Variants in COG2 observed in about 807,000 individuals in gnomAD.
COG2 encodes the protein component of oligomeric golgi complex 2.
Under a neutral mutation model 90.6 loss-of-function variants are expected in COG2, and 52 were observed. The ratio of observed to expected loss-of-function variants is 0.57; its 90% CI spans 0.46 to 0.72. The LOEUF (loss-of-function observed/expected upper bound fraction) is 0.72, where lower values mean the gene tolerates loss of function less well. COG2 is among the 30% of genes least tolerant of loss of function. The pLI is 0.00. For missense variants in COG2, 829 were observed against 891.2 expected (o/e 0.93, Z 0.89); for synonymous variants, 337 against 320.4 (o/e 1.05, Z -0.55).
chr1:230,686,886 A>G (rs75802236), intron 12 of COG2, 49 bp from the exon 13 acceptor site: 4 of 1,215,518 alleles, frequency 3.3e-6, no homozygotes, highest in Non-Finnish European at 3.4e-6. Context: ...ATAAATGCTC[A>G]TGTATCTTGC....
Position 230,668,743 on chromosome 1 carries a change from G to T in COG2, c.553G>T (p.Val185Phe). 1 of 1,612,656 alleles carries T rather than the reference G, an allele frequency of 6.2e-7. No homozygotes were observed. The highest frequency in any genetic ancestry group is 2.2e-5 in the East Asian group (1 of 44,822). ...TEFNQLQFHA[V>F]QSKGMPLLDK... Reference sequence around the variant, plus strand: ...ATTTAATCAGTTACAGTTTCATGCTGTTCAAAGCAAAGGCATGCCTCTTTT... The same window carrying T: ...ATTTAATCAGTTACAGTTTCATGCTTTTCAAAGCAAAGGCATGCCTCTTTT... The change falls in exon 6 of 18, where the codon GTT becomes TTT. Residue 185 changes from valine to phenylalanine, a missense_variant. Val to Phe is a conservative substitution (Grantham distance 50). Transcript: ENST00000366669.
At chr1:230,644,413 T>G (rs1419936889) in intron 1 of COG2, among the ~76,000 whole-genome samples, 1 of 152,256 alleles carries the variant, frequency 6.6e-6, no homozygotes, top group African/African-American at 2.4e-5. Flanking sequence ...GAAAGGATGG[T>G]TGGAACACTT....
In COG2 at chr1:230,678,685, A is replaced by G. The variant is rs76259161; in HGVS notation, c.1027-228A>G. Reference sequence around the variant, plus strand: ...CAGACTTAGAGTGCCTGGGTCTCAGATGGGCTTTGCCATGGAAGACACGGA... The same window carrying G: ...CAGACTTAGAGTGCCTGGGTCTCAGGTGGGCTTTGCCATGGAAGACACGGA... On this transcript the variant is annotated intron_variant, in intron 9 of 17. Transcript: ENST00000366669. The G allele has an allele frequency of 0.041, 58,452 of 1,443,140 alleles. 2,030 individuals carry two copies. The highest frequency in any genetic ancestry group is 0.15 in the East Asian group (4,839 of 32,352). The allele number at this position is 1,443,140 out of a possible 1,614,324, so 89.4% of individuals were successfully genotyped here.
At chr1:230,652,026 G>A (rs1408399012) in intron 1 of COG2, among the ~76,000 whole-genome samples, 1 of 152,112 alleles carries the variant, frequency 6.6e-6, no homozygotes, top group Non-Finnish European at 1.5e-5. Context: ...ATTTTTAACT[G>A]AAGTGCCATA....
At chr1:230,675,834 T>G (rs1315468074) in intron 9 of COG2, among the ~76,000 whole-genome samples, 11 of 152,066 alleles carry the variant, frequency 7.2e-5, no homozygotes, top group African/African-American at 1.9e-4. Flanking sequence ...TTTTTCTTTT[T>G]CTGTGGAGAT....
chr1:230,645,276 TAGAG>T (rs1370851450), intron 1 of COG2, among the ~76,000 whole-genome samples: 2 of 150,502 alleles, frequency 1.3e-5, no homozygotes, highest in Non-Finnish European at 3.0e-5. Flanking sequence ...CAAACACTCT[TAGAG>T]AGGGTTGACA....
intron 1 of COG2, among the ~76,000 whole-genome samples, chr1:230,652,520 G>A (rs186958793): frequency 1.3e-5 from 2 of 152,072 alleles, no homozygotes; most frequent in African/African-American, 4.8e-5. Context: ...AAACATTCAC[G>A]TGCAGGTTTT....
At chr1:230,652,669 T>A (rs1661941752) in intron 1 of COG2, among the ~76,000 whole-genome samples, 1 of 152,206 alleles carries the variant, frequency 6.6e-6, no homozygotes, top group Non-Finnish European at 1.5e-5. Context: ...TGAATGAGAG[T>A]TCCTACTGCT....
chr1:230,685,392 G>C (rs1359824736), intron 12 of COG2, among the ~76,000 whole-genome samples, 156 bp downstream of exon 12: 1 of 152,262 alleles, frequency 6.6e-6, no homozygotes, highest in East Asian at 1.9e-4. Context: ...CTCTGTGTCT[G>C]TGTTTCATTT....
chr1:230,687,985 T>G lies in COG2; in HGVS notation c.1579-86T>G, dbSNP rs1042666410. 1.0e-5 allele frequency: 9 copies of G among 872,678 alleles called. No homozygotes were observed. The Admixed American group carries it at 1.9e-4, about 18-fold the overall frequency. 54.1% of individuals were successfully genotyped at this position (872,678 alleles called of 1,614,324 possible). A position where few individuals can be genotyped will look rare whatever the true frequency, so the allele number is the denominator to read the frequency against. On this transcript the variant is annotated intron_variant, in intron 13 of 17. Transcript: ENST00000366669. Reference sequence around the variant, plus strand: ...TTAAGTTCACCATTCATTAGCAAATTCTAGAGTTTGTAGATGCAAATAGAA... The same window carrying G: ...TTAAGTTCACCATTCATTAGCAAATGCTAGAGTTTGTAGATGCAAATAGAA...
intron 17 of COG2, among the ~76,000 whole-genome samples, chr1:230,692,656 G>A (rs1426398633): frequency 6.6e-6 from 1 of 152,122 alleles, no homozygotes; most frequent in Non-Finnish European, 1.5e-5. Context: ...AGGTGCTCCC[G>A]CAGTCTCGGT....
At position 230,645,728 on chromosome 1, in the gene COG2, C is replaced by A. The variant is rs11122566; in HGVS notation, c.72+3050C>A. ...AATGTAGAATCAGTGGGAGCTCTGA[C>A]CTTGTTTTCTTGCAACTAGACAGTC... On this transcript the variant is annotated intron_variant, in intron 1 of 17. Coordinates refer to ENST00000366669, the MANE Select transcript of COG2 (RefSeq NM_007357.3). 2.0e-4 allele frequency among the ~76,000 whole-genome samples: 31 copies of A among 152,150 alleles called. No homozygotes were observed. The East Asian group carries it at 4.6e-3, about 23-fold the overall frequency.
rs1280785229 is a variant in COG2, at chr1:230,678,812, T to G, written c.1027-101T>G. 2.5e-6 allele frequency: 4 copies of G among 1,581,252 alleles called. No homozygotes were observed. In the Admixed American group the frequency reaches 6.9e-5, roughly 27 times the overall value. On this transcript the variant is annotated intron_variant, in intron 9 of 17. Coordinates refer to ENST00000366669, the MANE Select transcript of COG2 (RefSeq NM_007357.3). Reference sequence around the variant, plus strand: ...TTGTTAACTCTAGAAACTGTGATTCTTACGTGTTGAGCTTCTTTATCTTGA... The same window carrying G: ...TTGTTAACTCTAGAAACTGTGATTCGTACGTGTTGAGCTTCTTTATCTTGA...
chr1:230,679,070 C>A lies in COG2; in HGVS notation c.1166+18C>A. ...CAAATAAGGTTGGTCATCTATTCAC[C>A]GCCCCCGCCCCGCACCCTTCTAAAA... is the stretch of plus-strand genomic sequence containing the variant. On this transcript the variant is annotated intron_variant, in intron 10 of 17. Coordinates refer to ENST00000366669, the MANE Select transcript of COG2 (RefSeq NM_007357.3). 4.4e-6 allele frequency: 7 copies of A among 1,606,548 alleles called. No homozygotes were observed. Among genetic ancestry groups the A allele is most frequent in the Non-Finnish European group, 6.0e-6 (7 of 1,174,402 alleles).
intron 9 of COG2, chr1:230,678,624 G>A (rs1027885689): frequency 2.2e-6 from 3 of 1,343,984 alleles, no homozygotes; most frequent in Non-Finnish European, 2.9e-6. Flanking sequence ...TGGGGTAGGG[G>A]GCCCTAGAAC....
chr1:230,684,979 G>A (rs1662850676), intron 11 of COG2, 106 bp from the exon 12 acceptor site: 2 of 1,326,640 alleles, frequency 1.5e-6, no homozygotes, highest in African/African-American at 1.5e-5. Flanking sequence ...TCTTCAGAAG[G>A]CCATTTTCTT....
At chr1:230,688,660 G>A (rs542752839) in intron 15 of COG2, 98 bp downstream of exon 15, 492 of 1,333,242 alleles carry the variant, frequency 3.7e-4, no homozygotes, top group Non-Finnish European at 5.1e-4. Context: ...TCCCAGGGTA[G>A]CCTGAGACAG....
rs749250264 is a variant in COG2, at chr1:230,642,594, G to C, written c.-13G>C. On this transcript the variant is annotated 5_prime_UTR_variant, in exon 1 of 18. Coordinates refer to ENST00000366669, the MANE Select transcript of COG2 (RefSeq NM_007357.3). ...CGCTTGGATCTTGGCACTGAGAGGC[G>C]GTGGCCGGCGGGATGGAGAAAAGTA... 3.4e-5 allele frequency: 55 copies of C among 1,609,592 alleles called. No homozygotes were observed. The highest frequency in any genetic ancestry group is 4.4e-5 in the Non-Finnish European group (52 of 1,178,242).
In COG2 at chr1:230,664,588, G is replaced by GT. The variant is rs1558271980; in HGVS notation, c.485+2dup. On this transcript the variant is annotated splice_donor_variant, in intron 5 of 17. Transcript: ENST00000366669. LOFTEE classifies it high-confidence loss of function. ...AAACCTCTGCACTAGAAGCAAGCAG[G>GT]TAAGTATTTTTTATTAAATAACTCG... 2.7e-6 allele frequency: 4 copies of GT among 1,476,492 alleles called. No individual in the cohort carries two copies. The highest frequency in any genetic ancestry group is 3.7e-6 in the Non-Finnish European group (4 of 1,087,148). The allele number at this position is 1,476,492 out of a possible 1,614,324, so 91.5% of individuals were successfully genotyped here. A position where few individuals can be genotyped will look rare whatever the true frequency, so the allele number is the denominator to read the frequency against.
Sources: gnomAD v4.1 joint callset for allele counts (sites outside exome capture counted in the v4.1 genomes callset) on GRCh38, gnomAD v4.1.1 for gene constraint, MANE v1.5 for transcripts, NCBI Gene and HGNC (gene_info 2026-07-23, HGNC 2026-07-21) for gene names.